Variants in ZNF189 observed in about 807,000 individuals in gnomAD.
The protein encoded by ZNF189 is zinc finger protein 189.
In ZNF189, 33 loss-of-function variants were observed where a neutral mutation model predicts 53.5. The ratio of observed to expected loss-of-function variants is 0.62; its 90% CI spans 0.47 to 0.82. The LOEUF is 0.82. ZNF189 is among the 40% of genes least tolerant of loss of function. The pLI is 0.00. For missense variants in ZNF189, 711 were observed against 753.9 expected (o/e 0.94, Z 0.67); for synonymous variants, 247 against 238.8 (o/e 1.03, Z -0.32).
chr9:101,402,024 C>T (rs1010723673), intron 2 of ZNF189, among the ~76,000 whole-genome samples: 3 of 152,124 alleles, frequency 2.0e-5, no homozygotes, highest in Non-Finnish European at 4.4e-5. Flanking sequence ...AAGAGATTCT[C>T]CTGCCTCAGC....
intron 1 of ZNF189, 175 bp downstream of exon 1, chr9:101,399,364 A>G: frequency 7.3e-7 from 1 of 1,376,570 alleles, no homozygotes. Context: ...CAAACTGCCC[A>G]CTGGCTCCCT....
In ZNF189 at chr9:101,409,534, T is replaced by C. The variant is rs1345130842; in HGVS notation, c.1766T>C (p.Ile589Thr). The part of the protein sequence containing the change: ...QQRSLVNHQK[I>T]HAEVKTQETH... ...CGCAGTCTTGTCAACCATCAGAAGATCCATGCAGAGGTGAAAACCCAAGAA... is the reference window on the plus strand; with the variant it reads ...CGCAGTCTTGTCAACCATCAGAAGACCCATGCAGAGGTGAAAACCCAAGAA... Residue 589 changes from isoleucine to threonine, a missense_variant, in exon 3 of 3, where the codon ATC (isoleucine) becomes ACC (threonine). Coordinates refer to ENST00000339664, the MANE Select transcript of ZNF189 (RefSeq NM_003452.4). 11 of 1,614,046 alleles carry C rather than the reference T, an allele frequency of 6.8e-6. No homozygotes were observed. The highest frequency in any genetic ancestry group is 9.3e-6 in the Non-Finnish European group (11 of 1,179,986).
intron 2 of ZNF189, among the ~76,000 whole-genome samples, chr9:101,404,350 A>C (rs1369135778): frequency 6.7e-6 from 1 of 150,090 alleles, no homozygotes; most frequent in Non-Finnish European, 1.5e-5. Context: ...AGATTTATTT[A>C]CTTTTTTATT....
chr9:101,399,373 C>CTT, intron 1 of ZNF189, 184 bp downstream of exon 1: 30 of 1,060,362 alleles, frequency 2.8e-5, no homozygotes, highest in Middle Eastern at 3.5e-4. Context: ...CACTGGCTCC[C>CTT]TTTTTTTTTT....
Position 101,408,894 on chromosome 9 carries a change from G to A in ZNF189, c.1126G>A (p.Glu376Lys), listed in dbSNP as rs772768957. The A allele has an allele frequency of 3.3e-5, 53 of 1,613,900 alleles. No individual in the cohort carries two copies. The highest frequency in any genetic ancestry group is 6.7e-5 in the Admixed American group (4 of 59,988). The part of the protein sequence containing the change: ...HTGERPYQCK[E>K]CGKSFSQLCN... ...TGGTGAAAGACCTTATCAGTGCAAA[G>A]AGTGTGGGAAAAGTTTCAGTCAGCT... Residue 376 changes from glutamate to lysine, a missense_variant, in exon 3 of 3, where the codon GAG becomes AAG. Coordinates refer to ENST00000339664, the MANE Select transcript of ZNF189 (RefSeq NM_003452.4).
intron 2 of ZNF189, among the ~76,000 whole-genome samples, chr9:101,403,225 A>G (rs576292464): frequency 6.6e-6 from 1 of 152,242 alleles, no homozygotes; most frequent in East Asian, 1.9e-4. Flanking sequence ...GCCTTCTCCT[A>G]GAACTGCAGC....
At position 101,399,387 on chromosome 9, in the gene ZNF189, T is replaced by C. The variant is rs989771057; in HGVS notation, c.33+198T>C. ...CCACTGGCTCCCTTTTTTTTTTTCT[T>C]TTTCTAGAGAGACTTGATAAATCGG... On this transcript the variant is annotated intron_variant, in intron 1 of 2. Coordinates refer to ENST00000339664, the MANE Select transcript of ZNF189 (RefSeq NM_003452.4). 14 of 1,376,948 alleles carry C rather than the reference T, an allele frequency of 1.0e-5. No homozygotes were observed. The Admixed American group carries it at 5.0e-4, about 49-fold the overall frequency. 85.3% of individuals were successfully genotyped at this position (1,376,948 alleles called of 1,614,324 possible).
chr9:101,407,831 C>G, intron 2 of ZNF189, 98 bp from the exon 3 acceptor site: 1 of 1,270,036 alleles, frequency 7.9e-7, no homozygotes, highest in Non-Finnish European at 1.1e-6. Flanking sequence ...ATTAATCCCA[C>G]CTTGACTTTA....
Position 101,409,385 on chromosome 9 carries a change from C to A in ZNF189, c.1617C>A (p.Pro539=). 6.2e-7 allele frequency: 1 copy of A among 1,614,102 alleles called. No homozygotes were observed. The highest frequency in any genetic ancestry group is 8.5e-7 in the Non-Finnish European group (1 of 1,180,022). The change falls in exon 3 of 3, where the codon CCC becomes CCA. Residue 539 remains proline, a synonymous_variant. Transcript: ENST00000339664. The part of the protein sequence containing the change: ...RHQGVHTGNK[P]HKCDECGKAF... ...AGGGTGTTCACACAGGTAATAAACC[C>A]CATAAATGTGATGAATGTGGAAAGG...
chr9:101,409,118 C>A lies in ZNF189; in HGVS notation c.1350C>A (p.Tyr450Ter), dbSNP rs1564072018. 1 of 1,613,878 alleles carries A rather than the reference C, an allele frequency of 6.2e-7. No individual in the cohort carries two copies. Among genetic ancestry groups the A allele is most frequent in the Admixed American group, 1.7e-5 (1 of 59,996 alleles). ...NCSLVIQQEVYPKEKSYKCDE... is the reference protein window; with the variant it reads ...NCSLVIQQEV Reference sequence around the variant, plus strand: ...GTCTTGTTATACAGCAGGAAGTCTACCCTAAGGAGAAATCTTATAAATGTG... The same window carrying A: ...GTCTTGTTATACAGCAGGAAGTCTAACCTAAGGAGAAATCTTATAAATGTG... Residue 450 changes from tyrosine to a stop codon, truncating the protein, a stop_gained, in exon 3 of 3, where the codon TAC (tyrosine) becomes TAA (stop). Coordinates refer to ENST00000339664, the MANE Select transcript of ZNF189 (RefSeq NM_003452.4). LOFTEE classifies it high-confidence loss of function.
chr9:101,399,243 G>A, intron 1 of ZNF189, 54 bp downstream of exon 1: 1 of 1,496,662 alleles, frequency 6.7e-7, no homozygotes. Context: ...CCCCAGCTAG[G>A]CCGCACCACT....
chr9:101,401,164 T>C (rs1363176834), intron 2 of ZNF189, among the ~76,000 whole-genome samples: 2 of 152,234 alleles, frequency 1.3e-5, no homozygotes, highest in East Asian at 1.9e-4. Flanking sequence ...ACCAGAAAGA[T>C]TGATATCCTT....
chr9:101,408,348 C>T lies in ZNF189; in HGVS notation c.580C>T (p.His194Tyr). Residue 194 changes from histidine to tyrosine, a missense_variant, in exon 3 of 3, where the codon CAT (histidine) becomes TAT (tyrosine). Coordinates refer to ENST00000339664, the MANE Select transcript of ZNF189 (RefSeq NM_003452.4). ...TAGTCGCAGTTCATTTGTTATTGAA[C>T]ATCAGAGAATTCACACTGGGGAAAG... ...SFSRSSFVIEHQRIHTGERPY... is the reference protein window; with the variant it reads ...SFSRSSFVIEYQRIHTGERPY... 1 of 1,614,104 alleles carries T rather than the reference C, an allele frequency of 6.2e-7. No homozygotes were observed. Among genetic ancestry groups the T allele is most frequent in the Non-Finnish European group, 8.5e-7 (1 of 1,180,002 alleles).
chr9:101,401,197 T>G (rs776015764), intron 2 of ZNF189, among the ~76,000 whole-genome samples: 2 of 152,244 alleles, frequency 1.3e-5, no homozygotes, highest in Non-Finnish European at 2.9e-5. Flanking sequence ...GCCTTTTTCT[T>G]CCACTCTCCA....
intron 2 of ZNF189, among the ~76,000 whole-genome samples, chr9:101,404,489 A>G (rs540894888): frequency 6.6e-5 from 10 of 152,224 alleles, no homozygotes; most frequent in South Asian, 2.1e-4. Flanking sequence ...TTTCAGAAAA[A>G]TTGTATGGAA....
Position 101,408,570 on chromosome 9 carries a change from G to A in ZNF189, c.802G>A (p.Ala268Thr). ...KPHKCSDCGKAFSWKSHLIEH... is the reference protein window; with the variant it reads ...KPHKCSDCGKTFSWKSHLIEH... ...CCATAAATGTAGTGACTGTGGGAAA[G>A]CCTTCAGTTGGAAATCACACCTTAT... The change falls in exon 3 of 3, where the codon GCC becomes ACC. Residue 268 changes from alanine (A) to threonine (T), a missense_variant. Physicochemically the swap from Ala to Thr is moderately conservative, Grantham distance 58. Coordinates refer to ENST00000339664, the MANE Select transcript of ZNF189 (RefSeq NM_003452.4). 6.2e-7 allele frequency: 1 copy of A among 1,614,156 alleles called. No individual in the cohort carries two copies. Among genetic ancestry groups the A allele is most frequent in the African/African-American group, 1.3e-5 (1 of 75,058 alleles).
At chr9:101,399,541 A>T (rs994115334) in intron 1 of ZNF189, 5 of 1,277,660 alleles carry the variant, frequency 3.9e-6, no homozygotes, top group African/African-American at 3.1e-5. Context: ...GTACACGCTT[A>T]GAGAACCTCA....
chr9:101,399,408 A>G (rs1830447427), intron 1 of ZNF189: 1 of 1,365,968 alleles, frequency 7.3e-7, no homozygotes. Context: ...GACTTGATAA[A>G]TCGGCCTGAG....
At position 101,405,278 on chromosome 9, in the gene ZNF189, A is replaced by C. The variant is rs146732435; in HGVS notation, c.161-2651A>C. On this transcript the variant is annotated intron_variant, in intron 2 of 2. Coordinates refer to ENST00000339664, the MANE Select transcript of ZNF189 (RefSeq NM_003452.4). ...CTCTTCTAGAATCAGTAAGGCATAT[A>C]TAATGTGTTGGCAGCCTAAAGACTG... Among the ~76,000 whole-genome samples, 308 of 152,332 alleles carry C rather than the reference A, an allele frequency of 2.0e-3. 1 individual carries two copies. The highest frequency in any genetic ancestry group is 0.017 in the Middle Eastern group (5 of 294).
Sources: gnomAD v4.1 joint callset for allele counts (sites outside exome capture counted in the v4.1 genomes callset) on GRCh38, gnomAD v4.1.1 for gene constraint, MANE v1.5 for transcripts, NCBI Gene and HGNC (gene_info 2026-07-23, HGNC 2026-07-21) for gene names.